The following ASH1L variants were observed in gnomAD, a reference collection of about 807,000 sequenced individuals.
ASH1L encodes the protein histone-lysine N-methyltransferase ASH1L.
ASH1L carries 23 observed loss-of-function variants against 269.0 expected under a neutral mutation model. The observed-to-expected ratio is 0.09, with a 90% CI of 0.06 to 0.12. The LOEUF (loss-of-function observed/expected upper bound fraction) is 0.12. ASH1L is among the 10% of genes least tolerant of loss of function. ASH1L has a pLI of 1.00. For missense variants in ASH1L, 2,912 were observed against 3,567.8 expected (o/e 0.82, Z 4.68); for synonymous variants, 1,187 against 1,253.5 (o/e 0.95, Z 1.12).
intron 2 of ASH1L, among the ~76,000 whole-genome samples, chr1:155,496,964 T>C (rs1052629327): frequency 2.0e-5 from 3 of 152,094 alleles, no homozygotes; most frequent in Non-Finnish European, 4.4e-5. Flanking sequence ...GATTTTCTAT[T>C]CGGCGTCAGT....
intron 2 of ASH1L, among the ~76,000 whole-genome samples, chr1:155,520,610 C>T (rs991885205): frequency 6.6e-6 from 1 of 151,944 alleles, no homozygotes; most frequent in Admixed American, 6.6e-5. Context: ...TGCCTGTAAT[C>T]CCAGCACTCT....
At chr1:155,426,299 A>C (rs1443258249) in intron 5 of ASH1L, among the ~76,000 whole-genome samples, 1 of 151,716 alleles carries the variant, frequency 6.6e-6, no homozygotes, top group Non-Finnish European at 1.5e-5. Flanking sequence ...CGAACTCCTG[A>C]GCTCAAGCAA....
intron 4 of ASH1L, among the ~76,000 whole-genome samples, chr1:155,442,538 A>G (rs527710392): frequency 0.053 from 7,768 of 146,430 alleles, 684 homozygotes; most frequent in African/African-American, 0.19. Flanking sequence ...AGCCGAGATC[A>G]CGCCACTGCC....
intron 5 of ASH1L, among the ~76,000 whole-genome samples, chr1:155,436,559 C>T (rs1306410256): frequency 7.3e-6 from 1 of 137,926 alleles, no homozygotes; most frequent in Non-Finnish European, 1.5e-5. Flanking sequence ...TGCAGTGGCG[C>T]AATCTCGGCT....
chr1:155,480,573 G>A lies in ASH1L; in HGVS notation c.2297C>T (p.Pro766Leu). ...EPAKFMKNIG[P>L]PSFVDHDFLK... ...GAAGTCATGATCTACAAATGAAGGG[G>A]GTCCAATGTTTTTCATAAACTTGGC... The change falls in exon 3 of 28, where the codon CCC (proline) becomes CTC (leucine). Residue 766 changes from proline to leucine, a missense_variant. Transcript: ENST00000392403. The A allele has an allele frequency of 6.2e-7, 1 of 1,613,986 alleles. No individual in the cohort carries two copies. The highest frequency in any genetic ancestry group is 1.3e-5 in the African/African-American group (1 of 74,990).
chr1:155,373,348 C>G (rs1193340601), intron 10 of ASH1L, among the ~76,000 whole-genome samples: 1 of 151,916 alleles, frequency 6.6e-6, no homozygotes, highest in Non-Finnish European at 1.5e-5. Flanking sequence ...AGTACAGTGG[C>G]ACAATAATGG....
At chr1:155,426,023 G>A (rs1460715864) in intron 5 of ASH1L, among the ~76,000 whole-genome samples, 1 of 151,800 alleles carries the variant, frequency 6.6e-6, no homozygotes, top group Non-Finnish European at 1.5e-5. Context: ...CAAGTAGCTG[G>A]GACTACAGGC....
intron 6 of ASH1L, among the ~76,000 whole-genome samples, chr1:155,407,356 T>C (rs142866867): frequency 4.1e-4 from 62 of 152,330 alleles, no homozygotes; most frequent in African/African-American, 8.7e-4. Flanking sequence ...ACAATTCCCA[T>C]GGAAGCAGAA....
chr1:155,554,442 T>C (rs1303442145), intron 1 of ASH1L, among the ~76,000 whole-genome samples: 1 of 152,018 alleles, frequency 6.6e-6, no homozygotes, highest in Admixed American at 6.6e-5. Flanking sequence ...AGGGCTAATT[T>C]TGTATTTTTA....
Position 155,552,607 on chromosome 1 carries a change from C to T in ASH1L, c.-100+9546G>A, listed in dbSNP as rs1045712461. 3.3e-5 allele frequency among the ~76,000 whole-genome samples: 5 copies of T among 152,120 alleles called. No individual in the cohort carries two copies. The East Asian group carries it at 9.6e-4, about 29-fold the overall frequency. ...CTTGCAGTGAGCCGAGATCGCACCACTGCACTCCAGCATGGACAACAGAGC... is the reference window on the plus strand; with the variant it reads ...CTTGCAGTGAGCCGAGATCGCACCATTGCACTCCAGCATGGACAACAGAGC... On this transcript the variant is annotated intron_variant, in intron 1 of 27. Coordinates refer to ENST00000392403, the MANE Select transcript of ASH1L (RefSeq NM_018489.3).
chr1:155,343,278 G>A lies in ASH1L; in HGVS notation c.8293+36C>T, dbSNP rs769258781. On this transcript the variant is annotated intron_variant, in intron 24 of 27. Transcript: ENST00000392403. The surrounding 1 kb of genome is among the most constrained non-coding windows in gnomAD (Gnocchi z 6.1). ...TTATCAGCGTGAGCCACTGCACTTGGCCGAGGTCATTTTTTAACTAGCCCA... is the reference window on the plus strand; with the variant it reads ...TTATCAGCGTGAGCCACTGCACTTGACCGAGGTCATTTTTTAACTAGCCCA... The A allele has an allele frequency of 6.3e-7, 1 of 1,586,626 alleles. No individual in the cohort carries two copies. The highest frequency in any genetic ancestry group is 8.6e-7 in the Non-Finnish European group (1 of 1,165,396).
chr1:155,459,071 T>C (rs905705222), intron 4 of ASH1L, among the ~76,000 whole-genome samples: 2 of 151,874 alleles, frequency 1.3e-5, no homozygotes, highest in Admixed American at 6.6e-5. Flanking sequence ...GTTGTAAATA[T>C]ATAAACATTA....
intron 12 of ASH1L, among the ~76,000 whole-genome samples, chr1:155,369,863 G>A (rs930918768): frequency 3.9e-5 from 6 of 152,192 alleles, no homozygotes; most frequent in Middle Eastern, 6.8e-3. Flanking sequence ...TCGGCCTCCC[G>A]GGTTCAAGTA....
intron 4 of ASH1L, among the ~76,000 whole-genome samples, chr1:155,455,295 G>C (rs555226547): frequency 6.6e-6 from 1 of 152,184 alleles, no homozygotes; most frequent in Non-Finnish European, 1.5e-5. Context: ...CTCCAGAAAA[G>C]GCTTAGATTG....
At chr1:155,350,183 G>A (rs1387036557) in intron 17 of ASH1L, among the ~76,000 whole-genome samples, 7 of 152,020 alleles carry the variant, frequency 4.6e-5, no homozygotes, top group Non-Finnish European at 1.5e-5. Flanking sequence ...ACCGTGTCCG[G>A]CCAATTTTTG....
At chr1:155,527,824 G>C (rs1260571443) in intron 1 of ASH1L, among the ~76,000 whole-genome samples, 1 of 152,050 alleles carries the variant, frequency 6.6e-6, no homozygotes, top group Non-Finnish European at 1.5e-5. Flanking sequence ...GGGATGACAG[G>C]CATGAGTCAC....
chr1:155,489,429 G>A (rs968355870), intron 2 of ASH1L, among the ~76,000 whole-genome samples: 1 of 147,194 alleles, frequency 6.8e-6, no homozygotes, highest in East Asian at 2.0e-4. Context: ...AGCCGAGATT[G>A]TGTCACTGTA....
intron 17 of ASH1L, among the ~76,000 whole-genome samples, chr1:155,351,319 G>A (rs1018531201): frequency 2.0e-5 from 3 of 152,040 alleles, no homozygotes; most frequent in Non-Finnish European, 4.4e-5. Context: ...GGAGGCTGAG[G>A]TGGGCAGAGA....
intron 4 of ASH1L, among the ~76,000 whole-genome samples, chr1:155,442,605 CA>C (rs35346996): frequency 5.7e-4 from 75 of 132,080 alleles, no homozygotes; most frequent in Middle Eastern, 4.1e-3. Flanking sequence ...AAAAAAAAAT[CA>C]AAAAAAAAAA....
Sources: gnomAD v4.1 joint callset for allele counts (sites outside exome capture counted in the v4.1 genomes callset) on GRCh38, gnomAD v4.1.1 for gene constraint, Gnocchi (gnomAD v3.1) non-coding constraint, MANE v1.5 for transcripts, NCBI Gene and HGNC (gene_info 2026-07-23, HGNC 2026-07-21) for gene names.